Variants in CPSF4L observed in about 807,000 individuals in gnomAD.
CPSF4L encodes the protein cleavage and polyadenylation specific factor 4 like, also known as putative cleavage and polyadenylation specificity factor subunit 4-like protein.
In CPSF4L, 18 loss-of-function variants were observed where a neutral mutation model predicts 24.0. The observed-to-expected ratio is 0.75, with a 90% CI of 0.52 to 1.11. CPSF4L has a LOEUF of 1.11. Ranked by LOEUF, CPSF4L falls within the 50% of genes least tolerant of loss-of-function variation. The probability of loss-of-function intolerance (pLI) is 0.00; values close to 1 mark genes in which losing one functional copy is unlikely to be tolerated. For missense variants in CPSF4L, 211 were observed against 221.8 expected (o/e 0.95, Z 0.31); for synonymous variants, 72 against 77.2 (o/e 0.93, Z 0.35).
downstream of CPSF4L, chr17:73,247,128 T>G: frequency 1.2e-5 from 10 of 861,612 alleles, no homozygotes; most frequent in East Asian, 2.6e-5. Flanking sequence ...GCCCTGCTCA[T>G]TTGGTTAGGT....
At chr17:73,258,378 TCACTGCAACCTCCA>T (rs1322112191) in intron 2 of CPSF4L, among the ~76,000 whole-genome samples, 1 of 152,100 alleles carries the variant, frequency 6.6e-6, no homozygotes, top group Non-Finnish European at 1.5e-5. Flanking sequence ...CGGTCTCAGC[TCACTGCAACCTCCA>T]CCTCCCAGGT....
the CPSF4L span, among the ~76,000 whole-genome samples, chr17:73,242,546 A>T: frequency 6.6e-6 from 1 of 152,182 alleles, no homozygotes; most frequent in Non-Finnish European, 1.5e-5. Flanking sequence ...AATAACAGCT[A>T]CCATTTATTC....
chr17:73,261,590 G>A (rs2062046392), intron 1 of CPSF4L, 126 bp downstream of exon 1: 1 of 690,358 alleles, frequency 1.4e-6, no homozygotes, highest in Non-Finnish European at 2.5e-6. Context: ...GAACCCAGGA[G>A]GCAGAGCTTG....
intron 2 of CPSF4L, among the ~76,000 whole-genome samples, chr17:73,259,206 A>AT (rs141576676): frequency 0.011 from 1,675 of 151,892 alleles, 34 homozygotes; most frequent in African/African-American, 0.038. Context: ...CACTGAGCTA[A>AT]TTTTTTTATT....
At chr17:73,254,376 C>T (rs975411270) in intron 3 of CPSF4L, among the ~76,000 whole-genome samples, 19 of 152,212 alleles carry the variant, frequency 1.2e-4, no homozygotes, top group African/African-American at 3.9e-4. Flanking sequence ...ATTTCCATGT[C>T]GCTGTAACTG....
intron 4 of CPSF4L, among the ~76,000 whole-genome samples, chr17:73,253,528 G>T (rs943559431): frequency 6.6e-6 from 1 of 152,188 alleles, no homozygotes; most frequent in African/African-American, 2.4e-5. Context: ...CTTAAATTTG[G>T]CTGGCAGCAA....
At chr17:73,242,754 C>G in the CPSF4L span, 1 of 636,734 alleles carries the variant, frequency 1.6e-6, no homozygotes, top group East Asian at 2.8e-5. Flanking sequence ...TGATGTTAGC[C>G]TTTATGTGTT....
chr17:73,259,005 T>A (rs1360930245), intron 2 of CPSF4L, among the ~76,000 whole-genome samples: 2 of 151,600 alleles, frequency 1.3e-5, no homozygotes, highest in East Asian at 3.9e-4. Context: ...TCTGCCTTGC[T>A]ATTAGCAGGA....
chr17:73,245,094 G>C, downstream of CPSF4L: 1 of 1,411,736 alleles, frequency 7.1e-7, no homozygotes, highest in Non-Finnish European at 1.0e-6. Flanking sequence ...AGAATGATCT[G>C]TAGAGGCAAA....
At chr17:73,261,211 A>G (rs2062043653) in intron 1 of CPSF4L, among the ~76,000 whole-genome samples, 1 of 152,244 alleles carries the variant, frequency 6.6e-6, no homozygotes, top group Admixed American at 6.5e-5. Flanking sequence ...AGCCTGGCCC[A>G]GGAGCTCGGG....
chr17:73,251,024 G>T lies in CPSF4L; in HGVS notation c.497+1606C>A, dbSNP rs925967175. 8.4e-6 allele frequency: 13 copies of T among 1,549,532 alleles called. No homozygotes were observed. In the African/African-American group the frequency reaches 1.8e-4, roughly 21 times the overall value. On this transcript the variant is annotated intron_variant, in intron 5 of 5. Transcript: ENST00000344935. The stretch of plus-strand genomic sequence containing the variant: ...CCCTGATCCCCAGGCAGGAGAGCAG[G>T]CACTCTGTTGGGGATGGGGGTTTCC...
At chr17:73,245,478 G>A, downstream of CPSF4L, 1 of 1,098,948 alleles carries the variant, frequency 9.1e-7, no homozygotes, top group Non-Finnish European at 1.1e-6. Context: ...GTTATTCAAG[G>A]AGATGTGAAG....
At chr17:73,258,843 G>T (rs1017419172) in intron 2 of CPSF4L, among the ~76,000 whole-genome samples, 2 of 152,206 alleles carry the variant, frequency 1.3e-5, no homozygotes, top group African/African-American at 4.8e-5. Context: ...CTCAGTAAGG[G>T]TGTGTTGAAT....
chr17:73,263,315 T>G (rs1463652379), upstream of CPSF4L, among the ~76,000 whole-genome samples: 1 of 152,186 alleles, frequency 6.6e-6, no homozygotes. Flanking sequence ...TCTTGATGAC[T>G]TCCTTCCCTA....
intron 3 of CPSF4L, among the ~76,000 whole-genome samples, chr17:73,254,364 A>G (rs546674308): frequency 8.5e-5 from 13 of 152,356 alleles, no homozygotes; most frequent in African/African-American, 3.1e-4. Context: ...TTAAGTGGAG[A>G]TATTTCCATG....
Position 73,261,880 on chromosome 17 carries a change from C to T in CPSF4L, c.-62G>A. 1.6e-6 allele frequency: 2 copies of T among 1,274,874 alleles called. No individual in the cohort carries two copies. The highest frequency in any genetic ancestry group is 2.2e-6 in the Non-Finnish European group (2 of 897,440). 79.0% of individuals were successfully genotyped at this position (1,274,874 alleles called of 1,614,324 possible). On this transcript the variant is annotated 5_prime_UTR_variant, in exon 1 of 6. Coordinates refer to ENST00000344935, the MANE Select transcript of CPSF4L (RefSeq NM_001129885.1). ...ACCCAGGCAGGTGGGCCCAATATAG[C>T]TCATCAGAGGCCCTTAAGGGGCCAG...
At chr17:73,255,604 G>A (rs968440000) in intron 3 of CPSF4L, among the ~76,000 whole-genome samples, 1 of 150,978 alleles carries the variant, frequency 6.6e-6, no homozygotes, top group Non-Finnish European at 1.5e-5. Flanking sequence ...CACAGAGAAC[G>A]CCAGGGCTCA....
intron 3 of CPSF4L, among the ~76,000 whole-genome samples, chr17:73,257,308 A>C (rs370322762): frequency 6.6e-6 from 1 of 152,136 alleles, no homozygotes; most frequent in African/African-American, 2.4e-5. Flanking sequence ...GGCATCGTGA[A>C]TGTGGCTCTG....
intron 2 of CPSF4L, among the ~76,000 whole-genome samples, chr17:73,258,067 CG>C (rs2062030427): frequency 6.6e-6 from 1 of 150,968 alleles, no homozygotes; most frequent in Non-Finnish European, 1.5e-5. Context: ...TGGAGTGCAG[CG>C]GCGCGATCTT....
Sources: allele counts gnomAD v4.1 joint callset (sites outside exome capture counted in the v4.1 genomes callset), GRCh38; gene constraint gnomAD v4.1.1; transcripts MANE v1.5; gene names NCBI Gene and HGNC (gene_info 2026-07-23, HGNC 2026-07-21).